The following SLC25A46 variants were observed in gnomAD, a reference collection of about 807,000 sequenced individuals.
SLC25A46 encodes the protein solute carrier family 25 member 46.
A neutral mutation model predicts 44.6 loss-of-function variants in SLC25A46; 39 were observed. That is an observed-to-expected ratio of 0.87 (90% CI 0.68 to 1.14). SLC25A46 has a LOEUF of 1.14. Ranked by LOEUF, SLC25A46 falls within the 50% of genes most tolerant of loss-of-function variation. The pLI is 0.00. For synonymous variants in SLC25A46, 202 were observed against 185.8 expected (o/e 1.09, Z -0.71); for missense variants, 547 against 522.7 (o/e 1.05, Z -0.45).
At chr5:110,743,636 A>T (rs142859117) in intron 2 of SLC25A46, 94 bp from the exon 3 acceptor site, 29 of 619,880 alleles carry the variant, frequency 4.7e-5, no homozygotes, top group Non-Finnish European at 7.4e-5. Flanking sequence ...ATAATGCATG[A>T]TTCTTCAGGC....
upstream of SLC25A46, chr5:110,738,956 T>G: frequency 6.9e-7 from 1 of 1,442,212 alleles, no homozygotes; most frequent in Non-Finnish European, 9.1e-7. Context: ...GAAGAGGCTA[T>G]AATCACGTGC....
At chr5:110,759,764 A>G (rs1800202024) in intron 7 of SLC25A46, among the ~76,000 whole-genome samples, 2 of 152,256 alleles carry the variant, frequency 1.3e-5, no homozygotes, top group South Asian at 4.1e-4. Context: ...CATCTTTATT[A>G]GGATCTCTTT....
chr5:110,739,505 T>C, intron 1 of SLC25A46, 103 bp downstream of exon 1: 1 of 1,425,838 alleles, frequency 7.0e-7, no homozygotes, highest in Admixed American at 2.9e-5. Context: ...CTCCTATTCC[T>C]TCTCATCCTA....
upstream of SLC25A46, chr5:110,738,799 A>C: frequency 2.1e-6 from 1 of 467,376 alleles, no homozygotes. Flanking sequence ...CCCTATTCCT[A>C]CACCAGTTCT....
At chr5:110,738,886 C>T, upstream of SLC25A46, 1 of 1,083,642 alleles carries the variant, frequency 9.2e-7, no homozygotes, top group African/African-American at 1.6e-5. Context: ...CGACAACAAA[C>T]TTTTAAGGTC....
At chr5:110,738,996 T>G (rs577796065), upstream of SLC25A46, 2 of 1,464,938 alleles carry the variant, frequency 1.4e-6, no homozygotes, top group Non-Finnish European at 1.8e-6. Flanking sequence ...CCAACGTGAC[T>G]TCCGGTTGTC....
chr5:110,757,376 G>GT (rs1485411132), intron 7 of SLC25A46, among the ~76,000 whole-genome samples: 1 of 152,036 alleles, frequency 6.6e-6, no homozygotes, highest in Admixed American at 6.6e-5. Flanking sequence ...ACTTAAAACT[G>GT]TAAGATGAAG....
chr5:110,740,411 AT>A (rs1037769104), intron 1 of SLC25A46, among the ~76,000 whole-genome samples: 30 of 152,244 alleles, frequency 2.0e-4, no homozygotes, highest in African/African-American at 6.7e-4. Context: ...TACCTAGCTA[AT>A]TGTCATACAA....
At chr5:110,755,598 T>A in intron 6 of SLC25A46, 77 bp downstream of exon 6, 1 of 905,562 alleles carries the variant, frequency 1.1e-6, no homozygotes, top group Non-Finnish European at 1.7e-6. Context: ...ACAAATCTTA[T>A]TAAATAACTG....
At chr5:110,741,627 C>G (rs1799691253) in intron 1 of SLC25A46, 1 of 152,712 alleles carries the variant, frequency 6.5e-6, no homozygotes. Context: ...AAACTGGTAG[C>G]CCTTAGGTTC....
chr5:110,747,558 A>G (rs968019372), intron 4 of SLC25A46, among the ~76,000 whole-genome samples: 17 of 152,054 alleles, frequency 1.1e-4, no homozygotes, highest in Admixed American at 1.1e-3. Context: ...ATAGATAAAT[A>G]ATAGGAGTAT....
chr5:110,762,654 A>G lies in SLC25A46; in HGVS notation c.*872A>G, dbSNP rs1800285672. On this transcript the variant is annotated 3_prime_UTR_variant, in exon 8 of 8. Coordinates refer to ENST00000355943, the MANE Select transcript of SLC25A46 (RefSeq NM_138773.4). ...CTGTTTTTAGAGCCACTGTTAAGAG[A>G]GAATATAAAATAATCATGACAATTA... 1 of 151,912 alleles carries G rather than the reference A, an allele frequency of 6.6e-6. No individual in the cohort carries two copies. Among genetic ancestry groups the G allele is most frequent in the Non-Finnish European group, 1.5e-5 (1 of 67,908 alleles). 9.4% of individuals were successfully genotyped at this position (151,912 alleles called of 1,614,324 possible). A position where few individuals can be genotyped will look rare whatever the true frequency, so the allele number is the denominator to read the frequency against.
In SLC25A46 at chr5:110,748,241, A is replaced by G; in HGVS notation, c.541A>G (p.Ser181Gly). The change falls in exon 5 of 8, where the codon AGT (serine) becomes GGT (glycine). Residue 181 changes from serine (S) to glycine (G), a missense_variant. Coordinates refer to ENST00000355943, the MANE Select transcript of SLC25A46 (RefSeq NM_138773.4). ...GVTLGAEGII[S>G]EFTPLPREVL... is the part of the protein sequence containing the mutation. ...CACACTTGGAGCAGAAGGCATAATT[A>G]GTGAATTTACACCTTTGCCAAGGTA... 1.2e-6 allele frequency: 2 copies of G among 1,613,450 alleles called. No homozygotes were observed. Among genetic ancestry groups the G allele is most frequent in the Non-Finnish European group, 1.7e-6 (2 of 1,179,482 alleles).
In SLC25A46 at chr5:110,761,922, T is replaced by A; in HGVS notation, c.*140T>A. 2.9e-6 allele frequency: 2 copies of A among 699,460 alleles called. No homozygotes were observed. Among genetic ancestry groups the A allele is most frequent in the Non-Finnish European group, 2.3e-6 (1 of 434,842 alleles). 43.3% of individuals were successfully genotyped at this position (699,460 alleles called of 1,614,324 possible). On this transcript the variant is annotated 3_prime_UTR_variant, in exon 8 of 8. Transcript: ENST00000355943. This position sits in a 1 kb window ranked among gnomAD's most constrained non-coding sequence, Gnocchi z 5.3. The stretch of plus-strand genomic sequence containing the variant: ...GGTACTAAAGCCCATACTGATTATC[T>A]TGACTTTGTTTTTTAAGGCATAGGT...
At position 110,764,205 on chromosome 5, in the gene SLC25A46, A is replaced by G. The variant is rs1230877437; in HGVS notation, c.*2423A>G. On this transcript the variant is annotated 3_prime_UTR_variant, in exon 8 of 8. Transcript: ENST00000355943. ...ATGGAGCTTGTGATACACTTGCCTT[A>G]CATTGTAGGGTTTCTTAATTTGAGT... is the stretch of plus-strand genomic sequence containing the variant. 1.3e-5 allele frequency: 2 copies of G among 151,848 alleles called. No individual in the cohort carries two copies. The highest frequency in any genetic ancestry group is 2.9e-5 in the Non-Finnish European group (2 of 67,856). 9.4% of individuals were successfully genotyped at this position (151,848 alleles called of 1,614,324 possible).
At position 110,742,069 on chromosome 5, in the gene SLC25A46, A is replaced by C. The variant is rs776181984; in HGVS notation, c.306A>C (p.Gly102=). The change falls in exon 2 of 8, where the codon GGA becomes GGC. Residue 102 remains glycine (G), a synonymous_variant. Coordinates refer to ENST00000355943, the MANE Select transcript of SLC25A46 (RefSeq NM_138773.4). ...TAGAACAGCTGAATAGATTTGCTGG[A>C]TTTGGTATTGGACTTGCAAGGTAAT... ...QSSEQLNRFA[G]FGIGLASLFT... 6.3e-7 allele frequency: 1 copy of C among 1,576,240 alleles called. No individual in the cohort carries two copies. Among genetic ancestry groups the C allele is most frequent in the Non-Finnish European group, 8.6e-7 (1 of 1,160,448 alleles).
chr5:110,738,249 T>G (rs147877745), upstream of SLC25A46: 1 of 1,286,460 alleles, frequency 7.8e-7, no homozygotes, highest in East Asian at 5.6e-5. Flanking sequence ...TGAAAACAGG[T>G]AGTAGGGGAC....
chr5:110,745,120 C>T (rs1799783201), intron 3 of SLC25A46, among the ~76,000 whole-genome samples: 1 of 151,902 alleles, frequency 6.6e-6, no homozygotes, highest in African/African-American at 2.4e-5. Context: ...GTGAAAATGT[C>T]AAGACAGTGA....
upstream of SLC25A46, chr5:110,738,788 G>T: frequency 2.4e-6 from 1 of 415,146 alleles, no homozygotes; most frequent in Non-Finnish European, 4.2e-6. Context: ...TCCCATGCAG[G>T]CCCTATTCCT....
Sources: allele counts gnomAD v4.1 joint callset (sites outside exome capture counted in the v4.1 genomes callset), GRCh38; gene constraint gnomAD v4.1.1; non-coding constraint Gnocchi (gnomAD v3.1); transcripts MANE v1.5; gene names NCBI Gene and HGNC (gene_info 2026-07-23, HGNC 2026-07-21).